Variants in SHANK2 observed in about 807,000 individuals in gnomAD.
The protein encoded by SHANK2 is SH3 and multiple ankyrin repeat domains protein 2.
A neutral mutation model predicts 133.7 loss-of-function variants in SHANK2; 43 were observed. The observed-to-expected ratio is 0.32, with a 90% confidence interval of 0.25 to 0.41. SHANK2 has a LOEUF of 0.41. SHANK2 is among the 10% of genes least tolerant of loss of function. The pLI, the probability that SHANK2 is intolerant of heterozygous loss-of-function variation, is 1.00. For synonymous variants in SHANK2, 1,017 were observed against 952.8 expected (o/e 1.07, Z -1.24); for missense variants, 1,994 against 2,235.8 (o/e 0.89, Z 2.18).
intron 14 of SHANK2, among the ~76,000 whole-genome samples, chr11:70,725,736 G>C (rs1159354124): frequency 5.3e-5 from 5 of 94,550 alleles, no homozygotes; most frequent in Non-Finnish European, 1.0e-4. Context: ...CACATTGTCG[G>C]TAACTCTACG....
chr11:71,126,881 G>T (rs1158005862), intron 3 of SHANK2, among the ~76,000 whole-genome samples: 2 of 151,896 alleles, frequency 1.3e-5, no homozygotes, highest in African/African-American at 2.4e-5. Context: ...CCAATTTTTT[G>T]TATTTTTAGT....
chr11:71,065,628 G>A (rs1590878841), intron 9 of SHANK2, among the ~76,000 whole-genome samples: 6 of 129,978 alleles, frequency 4.6e-5, no homozygotes, highest in African/African-American at 1.2e-4. Flanking sequence ...GGGGGTGTGT[G>A]CAGAACTCTC....
chr11:70,680,194 G>A (rs998156879), intron 15 of SHANK2, among the ~76,000 whole-genome samples: 7 of 152,172 alleles, frequency 4.6e-5, no homozygotes, highest in Admixed American at 1.3e-4. Context: ...GGCCAAAACA[G>A]CCTCTGTCAG....
chr11:70,928,308 G>A (rs1487800340), intron 10 of SHANK2, among the ~76,000 whole-genome samples: 1 of 152,160 alleles, frequency 6.6e-6, no homozygotes, highest in Non-Finnish European at 1.5e-5. Context: ...CTTGAAGGGG[G>A]AAAACTGGAA....
chr11:70,719,073 G>A (rs533911148), intron 14 of SHANK2, among the ~76,000 whole-genome samples: 3 of 152,280 alleles, frequency 2.0e-5, no homozygotes, highest in African/African-American at 4.8e-5. Flanking sequence ...CTGTTCTTAC[G>A]TTCACTGCCC....
chr11:70,863,982 T>C, intron 11 of SHANK2: 2 of 399,670 alleles, frequency 5.0e-6, no homozygotes, highest in Admixed American at 3.0e-5. Context: ...TACTTTCTTA[T>C]GGCAGCCCCA....
chr11:70,531,155 CAAAAAAA>C (rs58867931), intron 17 of SHANK2, among the ~76,000 whole-genome samples: 1 of 88,160 alleles, frequency 1.1e-5, no homozygotes, highest in African/African-American at 4.3e-5. Context: ...ACGACTGTCT[CAAAAAAA>C]AAAAAAAAAA....
intron 11 of SHANK2, among the ~76,000 whole-genome samples, chr11:70,853,758 C>A (rs1555066328): frequency 6.6e-6 from 1 of 152,148 alleles, no homozygotes; most frequent in Non-Finnish European, 1.5e-5. Flanking sequence ...GCCAAGAGTC[C>A]AAAATTAGGG....
intron 2 of SHANK2, among the ~76,000 whole-genome samples, chr11:71,201,569 C>T (rs1015196369): frequency 3.9e-5 from 6 of 152,206 alleles, no homozygotes; most frequent in South Asian, 2.1e-4. Flanking sequence ...CCCTATGAGC[C>T]GGTTCTCTTT....
At chr11:71,165,616 T>C (rs1953128295) in intron 2 of SHANK2, among the ~76,000 whole-genome samples, 1 of 152,174 alleles carries the variant, frequency 6.6e-6, no homozygotes, top group African/African-American at 2.4e-5. Context: ...AGATCATTCA[T>C]CCCAGAAATC....
chr11:70,742,124 A>G (rs1250146707), intron 14 of SHANK2, among the ~76,000 whole-genome samples: 1 of 152,200 alleles, frequency 6.6e-6, no homozygotes, highest in Non-Finnish European at 1.5e-5. Context: ...AATTCTGACA[A>G]CTTCCAAACC....
intron 4 of SHANK2, among the ~76,000 whole-genome samples, chr11:71,117,236 T>C (rs1951995529): frequency 6.6e-6 from 1 of 152,154 alleles, no homozygotes; most frequent in Non-Finnish European, 1.5e-5. Context: ...GCCAGGCTAA[T>C]CTTGAACTCC....
intron 9 of SHANK2, among the ~76,000 whole-genome samples, chr11:71,063,365 A>G (rs1041699412): frequency 6.6e-6 from 1 of 152,218 alleles, no homozygotes; most frequent in African/African-American, 2.4e-5. Context: ...TCAAGGGTAC[A>G]TGGTTCACTT....
chr11:70,562,948 T>C (rs781916238), intron 17 of SHANK2, among the ~76,000 whole-genome samples: 4 of 152,168 alleles, frequency 2.6e-5, no homozygotes, highest in South Asian at 2.1e-4. Context: ...CTCGGCTCAC[T>C]GCAACCTCCA....
intron 11 of SHANK2, among the ~76,000 whole-genome samples, chr11:70,860,240 T>C (rs571442381): frequency 2.6e-5 from 4 of 152,266 alleles, no homozygotes; most frequent in Admixed American, 6.5e-5. Context: ...CAAAGCCCCA[T>C]GGCTATGAGT....
intron 17 of SHANK2, among the ~76,000 whole-genome samples, chr11:70,522,562 C>G (rs2059343822): frequency 6.6e-6 from 1 of 152,184 alleles, no homozygotes; most frequent in African/African-American, 2.4e-5. Context: ...CTGGTGGTAC[C>G]CCCTCTATCG....
chr11:70,700,638 C>T (rs1945498202), intron 14 of SHANK2, among the ~76,000 whole-genome samples: 1 of 152,224 alleles, frequency 6.6e-6, no homozygotes. Context: ...CCCCCCTCCT[C>T]CCTGGCATCC....
intron 3 of SHANK2, among the ~76,000 whole-genome samples, chr11:71,140,604 T>A (rs537030018): frequency 6.6e-6 from 1 of 152,230 alleles, no homozygotes; most frequent in Non-Finnish European, 1.5e-5. Context: ...CGAGTGTGGG[T>A]AGCACCAGCA....
chr11:70,699,714 G>A (rs1388799340), intron 14 of SHANK2, among the ~76,000 whole-genome samples: 1 of 152,232 alleles, frequency 6.6e-6, no homozygotes, highest in African/African-American at 2.4e-5. Context: ...CACCTTTCAT[G>A]TGCCCAGAGG....
Sources: gnomAD v4.1 joint callset for allele counts (sites outside exome capture counted in the v4.1 genomes callset) on GRCh38, gnomAD v4.1.1 for gene constraint, MANE v1.5 for transcripts, NCBI Gene and HGNC (gene_info 2026-07-23, HGNC 2026-07-21) for gene names.